The following EEA1 variants were observed in gnomAD, a reference collection of about 807,000 sequenced individuals.
EEA1 encodes early endosome antigen 1, 162kD.
A neutral mutation model predicts 209.2 loss-of-function variants in EEA1; 111 were observed. That is an observed-to-expected ratio of 0.53 (90% CI 0.45 to 0.62). EEA1 has a LOEUF of 0.62. Among genes scored for constraint, EEA1 ranks in the 20% least tolerant of loss-of-function variants. The probability of loss-of-function intolerance (pLI) is 0.00; values close to 1 mark genes in which losing one functional copy is unlikely to be tolerated. For missense variants in EEA1, 1,343 were observed against 1,530.8 expected (o/e 0.88, Z 2.05); for synonymous variants, 536 against 540.6 (o/e 0.99, Z 0.12).
chr12:92,818,351 T>TCA (rs932846574), intron 14 of EEA1, among the ~76,000 whole-genome samples: 29 of 152,272 alleles, frequency 1.9e-4, no homozygotes, highest in African/African-American at 7.0e-4. Context: ...CTCTCAGGGA[T>TCA]CACAGTCCTG....
At position 92,799,042 on chromosome 12, in the gene EEA1, T is replaced by C. The variant is rs1298762578; in HGVS notation, c.2817A>G (p.Gln939=). The change falls in exon 21 of 29, where the codon CAA becomes CAG. Residue 939 remains glutamine (Q), a synonymous_variant. Transcript: ENST00000322349. The part of the protein sequence containing the change: ...LKLELNSMQE[Q]LIQAQNTLKQ... ...TTAAAGTATTCTGGGCCTGTATAAG[T>C]TGTTCCTGCATTGAATTGAGTTCCA... The C allele has an allele frequency of 3.7e-6, 6 of 1,608,838 alleles. No homozygotes were observed. The highest frequency in any genetic ancestry group is 1.6e-4 in the Middle Eastern group (1 of 6,062).
chr12:92,824,301 T>C (rs1308291762), intron 13 of EEA1, among the ~76,000 whole-genome samples: 2 of 152,230 alleles, frequency 1.3e-5, no homozygotes, highest in African/African-American at 4.8e-5. Flanking sequence ...ATTATTGTAG[T>C]AGCCTTTTAG....
chr12:92,928,283 A>G (rs1054207755), intron 1 of EEA1, among the ~76,000 whole-genome samples: 3 of 152,188 alleles, frequency 2.0e-5, no homozygotes, highest in African/African-American at 4.8e-5. Context: ...TAATGCTCTA[A>G]TCTTTCTATC....
chr12:92,897,943 TG>T (rs1879961182), intron 1 of EEA1, among the ~76,000 whole-genome samples: 1 of 152,234 alleles, frequency 6.6e-6, no homozygotes, highest in African/African-American at 2.4e-5. Context: ...GACTACAGTA[TG>T]CCGTGAATAT....
intron 1 of EEA1, among the ~76,000 whole-genome samples, chr12:92,910,641 A>G (rs760075111): frequency 6.6e-6 from 1 of 152,248 alleles, no homozygotes; most frequent in Non-Finnish European, 1.5e-5. Context: ...GCTGGACTTC[A>G]TTAAAATTTA....
intron 1 of EEA1, among the ~76,000 whole-genome samples, chr12:92,897,554 A>C (rs1879942030): frequency 6.6e-6 from 1 of 152,090 alleles, no homozygotes; most frequent in Non-Finnish European, 1.5e-5. Flanking sequence ...CCACTCCCAC[A>C]CTGTGGAGTG....
chr12:92,831,067 T>C (rs1876604625), intron 11 of EEA1, among the ~76,000 whole-genome samples: 1 of 152,210 alleles, frequency 6.6e-6, no homozygotes. Context: ...ATATGTGAAG[T>C]GCTTACTCTA....
intron 28 of EEA1, 83 bp from the exon 29 acceptor site, chr12:92,776,216 C>T (rs987907206): frequency 3.8e-6 from 5 of 1,327,264 alleles, no homozygotes; most frequent in Non-Finnish European, 5.1e-6. Flanking sequence ...CCACCAACTA[C>T]ATTATGAAGG....
intron 1 of EEA1, among the ~76,000 whole-genome samples, chr12:92,906,942 T>C (rs1880408355): frequency 6.6e-6 from 1 of 152,344 alleles, no homozygotes; most frequent in South Asian, 2.1e-4. Flanking sequence ...ATTTACTATA[T>C]GCAGACCTTA....
intron 21 of EEA1, among the ~76,000 whole-genome samples, chr12:92,794,587 TGGATGAAG>T (rs1174311427): frequency 6.6e-6 from 1 of 152,050 alleles, no homozygotes. Context: ...TTCAGGGACA[TGGATGAAG>T]CTGGAAACCA....
intron 4 of EEA1, 27 bp downstream of exon 4, chr12:92,857,404 A>C: frequency 3.2e-6 from 5 of 1,579,674 alleles, no homozygotes; most frequent in Non-Finnish European, 4.3e-6. Context: ...ACTGAAAATA[A>C]AAAGGTATAA....
chr12:92,894,215 C>T (rs1289892925), intron 1 of EEA1, among the ~76,000 whole-genome samples: 1 of 152,144 alleles, frequency 6.6e-6, no homozygotes, highest in East Asian at 1.9e-4. Context: ...TGTGTTCTGA[C>T]TGCTCCACTC....
chr12:92,885,079 T>G lies in EEA1; in HGVS notation c.117+6550A>C, dbSNP rs141018694. On this transcript the variant is annotated intron_variant, in intron 2 of 28. Coordinates refer to ENST00000322349, the MANE Select transcript of EEA1 (RefSeq NM_003566.4). ...AAGAATACTGTATATAATATATATA[T>G]AACATGCAAAATATGTGTGAATCAA... 2.3e-3 allele frequency among the ~76,000 whole-genome samples: 346 copies of G among 151,826 alleles called. 3 individuals carry two copies. The highest frequency in any genetic ancestry group is 7.7e-3 in the African/African-American group (319 of 41,412).
At chr12:92,781,097 A>G (rs1421161255) in intron 23 of EEA1, among the ~76,000 whole-genome samples, 1 of 151,804 alleles carries the variant, frequency 6.6e-6, no homozygotes, top group African/African-American at 2.4e-5. Context: ...TTTAATAGAG[A>G]CAAGGTCTCA....
At chr12:92,831,344 G>C (rs946122141) in intron 11 of EEA1, among the ~76,000 whole-genome samples, 1 of 151,132 alleles carries the variant, frequency 6.6e-6, no homozygotes, top group Non-Finnish European at 1.5e-5. Flanking sequence ...GTCAAAACTT[G>C]CATTAAACTT....
chr12:92,789,518 G>A (rs952927445), intron 21 of EEA1, among the ~76,000 whole-genome samples: 1 of 151,980 alleles, frequency 6.6e-6, no homozygotes, highest in Non-Finnish European at 1.5e-5. Flanking sequence ...CTGGATTCCT[G>A]AGAGTAGCCA....
chr12:92,892,557 C>CT (rs55992557), intron 1 of EEA1, among the ~76,000 whole-genome samples: 1,849 of 148,834 alleles, frequency 0.012, 42 homozygotes, highest in African/African-American at 0.043. Flanking sequence ...TTTCTCTTTT[C>CT]TTTTTTTTTT....
chr12:92,840,762 G>A (rs1365914289), intron 10 of EEA1, among the ~76,000 whole-genome samples: 2 of 152,216 alleles, frequency 1.3e-5, no homozygotes, highest in Non-Finnish European at 2.9e-5. Flanking sequence ...TGGACATAGA[G>A]TCCAATGGAA....
intron 1 of EEA1, among the ~76,000 whole-genome samples, chr12:92,906,810 T>C (rs180778502): frequency 3.0e-3 from 451 of 152,084 alleles, no homozygotes; most frequent in African/African-American, 0.01. Context: ...CTAGACTCTG[T>C]CTCAAAATAA....
Sources: allele counts gnomAD v4.1 joint callset (sites outside exome capture counted in the v4.1 genomes callset), GRCh38; gene constraint gnomAD v4.1.1; transcripts MANE v1.5; gene names NCBI Gene and HGNC (gene_info 2026-07-23, HGNC 2026-07-21).